MFN1: variants seen among roughly 807,000 people sequenced by gnomAD.
MFN1 encodes mitofusin 1.
A neutral mutation model predicts 92.4 loss-of-function variants in MFN1; 65 were observed. The observed-to-expected ratio is 0.70, with a 90% confidence interval of 0.58 to 0.86. The LOEUF (loss-of-function observed/expected upper bound fraction) is 0.86, where lower values mean the gene tolerates loss of function less well. Ranked by LOEUF, MFN1 falls within the 40% of genes least tolerant of loss-of-function variation. The pLI, the probability that MFN1 is intolerant of heterozygous loss-of-function variation, is 0.00. For missense variants in MFN1, 781 were observed against 868.0 expected (o/e 0.90, Z 1.26); for synonymous variants, 297 against 300.9 (o/e 0.99, Z 0.13).
intron 9 of MFN1, among the ~76,000 whole-genome samples, chr3:179,374,954 A>T (rs975899395): frequency 1.3e-5 from 2 of 151,982 alleles, no homozygotes; most frequent in Non-Finnish European, 2.9e-5. Flanking sequence ...TACCCTGTTT[A>T]TTTTTTTTAA....
At chr3:179,382,074 A>AT (rs10542714) in intron 14 of MFN1, among the ~76,000 whole-genome samples, 78,997 of 151,526 alleles carry the variant, frequency 0.52, 21,017 homozygotes, top group African/African-American at 0.62. Context: ...CATTTTTTTA[A>AT]TTTTTTTTTA....
At chr3:179,389,973 T>C in intron 16 of MFN1, 31 bp from the exon 17 acceptor site, 1 of 1,583,968 alleles carries the variant, frequency 6.3e-7, no homozygotes, top group East Asian at 2.3e-5. Flanking sequence ...TTTGAAGACA[T>C]TTATGACTGC....
Position 179,375,202 on chromosome 3 carries a change from G to T in MFN1, c.976-18G>T. 6.2e-7 allele frequency: 1 copy of T among 1,604,880 alleles called. No homozygotes were observed. Among genetic ancestry groups the T allele is most frequent in the Non-Finnish European group, 8.5e-7 (1 of 1,176,490 alleles). ...CGATGGAATTACAGTAATGTGTTACGGCTTGGGCCCCTCGCAGGAGTGTAT... is the reference window on the plus strand; with the variant it reads ...CGATGGAATTACAGTAATGTGTTACTGCTTGGGCCCCTCGCAGGAGTGTAT... On this transcript the variant is annotated intron_variant, in intron 9 of 17. Coordinates refer to ENST00000471841, the MANE Select transcript of MFN1 (RefSeq NM_033540.3).
rs758869575 is a variant in MFN1, at chr3:179,368,036, G to A, written c.908G>A (p.Gly303Asp). The change falls in exon 9 of 18, where the codon GGT (glycine) becomes GAT (aspartate). Residue 303 changes from glycine (G) to aspartate (D), a missense_variant and splice_region_variant. Transcript: ENST00000471841. ...TTAAATCTTTGCCTGTACGTTACAG[G>A]TGTGGCACTTGCTGAAGGATTTCAT... is the stretch of plus-strand genomic sequence containing the variant. The part of the protein sequence containing the change: ...KQKAQGMPES[G>D]VALAEGFHAR... The A allele has an allele frequency of 1.3e-5, 21 of 1,562,028 alleles. No homozygotes were observed. The highest frequency in any genetic ancestry group is 9.5e-5 in the South Asian group (8 of 83,860).
In MFN1 at chr3:179,385,115, G is replaced by A. The variant is rs373085035; in HGVS notation, c.1663-454G>A. On this transcript the variant is annotated intron_variant, in intron 14 of 17. Coordinates refer to ENST00000471841, the MANE Select transcript of MFN1 (RefSeq NM_033540.3). ...TTTTTATTAGAGACAGGGTTTCACT[G>A]TGTTAGCCAGGATGGTCTCGATCTC... Among the ~76,000 whole-genome samples, 4 of 150,660 alleles carry A rather than the reference G, an allele frequency of 2.7e-5. No individual in the cohort carries two copies. The East Asian group carries it at 7.8e-4, about 29-fold the overall frequency.
intron 17 of MFN1, among the ~76,000 whole-genome samples, chr3:179,391,327 T>C (rs1157312355): frequency 6.6e-6 from 1 of 152,164 alleles, no homozygotes. Flanking sequence ...ATTTTTGGTC[T>C]GCTAATCATT....
intron 9 of MFN1, among the ~76,000 whole-genome samples, chr3:179,370,815 C>T (rs1388063754): frequency 6.6e-6 from 1 of 152,140 alleles, no homozygotes; most frequent in African/African-American, 2.4e-5. Context: ...TTAGGCGTAT[C>T]CCAAGGTTTT....
In MFN1 at chr3:179,389,544, C is replaced by G. The variant is rs148581364; in HGVS notation, c.2013-460C>G. Among the ~76,000 whole-genome samples, 1,224 of 152,184 alleles carry G rather than the reference C, an allele frequency of 8.0e-3. 21 individuals carry two copies. The highest frequency in any genetic ancestry group is 0.028 in the African/African-American group (1,170 of 41,532). ...TTGGTGGAATGGGAAGAGGTATGCTCCCATTTAAAAATATAATGTTTGCCA... is the reference window on the plus strand; with the variant it reads ...TTGGTGGAATGGGAAGAGGTATGCTGCCATTTAAAAATATAATGTTTGCCA... On this transcript the variant is annotated intron_variant, in intron 16 of 17. Transcript: ENST00000471841.
chr3:179,383,851 T>C (rs1451211239), intron 14 of MFN1, among the ~76,000 whole-genome samples: 1 of 152,244 alleles, frequency 6.6e-6, no homozygotes, highest in Non-Finnish European at 1.5e-5. Context: ...TACAAGCATT[T>C]TAAAAGAAAA....
intron 14 of MFN1, among the ~76,000 whole-genome samples, chr3:179,381,494 G>C (rs1489027424): frequency 1.3e-5 from 2 of 152,214 alleles, no homozygotes; most frequent in Admixed American, 1.3e-4. Flanking sequence ...CCACTGTGCT[G>C]CTTAGTTTGA....
At chr3:179,353,568 G>A (rs190134526) in intron 3 of MFN1, among the ~76,000 whole-genome samples, 3 of 152,202 alleles carry the variant, frequency 2.0e-5, no homozygotes, top group East Asian at 3.9e-4. Context: ...GGATTATGGC[G>A]GGGAGAAAAA....
intron 3 of MFN1, among the ~76,000 whole-genome samples, chr3:179,352,585 A>G (rs1288475480): frequency 6.6e-6 from 1 of 152,236 alleles, no homozygotes; most frequent in Non-Finnish European, 1.5e-5. Context: ...ATGAACTGAC[A>G]ATAACTGGCG....
At chr3:179,357,181 C>T (rs1712377576) in intron 3 of MFN1, among the ~76,000 whole-genome samples, 1 of 152,136 alleles carries the variant, frequency 6.6e-6, no homozygotes, top group African/African-American at 2.4e-5. Flanking sequence ...ATTCTAATGT[C>T]AGAGCTCCTG....
rs1713957228 is a variant in MFN1, at chr3:179,392,761, A to G, written c.*702A>G. On this transcript the variant is annotated 3_prime_UTR_variant, in exon 18 of 18. Coordinates refer to ENST00000471841, the MANE Select transcript of MFN1 (RefSeq NM_033540.3). ...GCTTTCCTAGTGCAATTTTAGGAGTAAAGTTTGAAGAGATAAAAATAGCCA... is the reference window on the plus strand; with the variant it reads ...GCTTTCCTAGTGCAATTTTAGGAGTGAAGTTTGAAGAGATAAAAATAGCCA... The G allele has an allele frequency of 6.6e-6, 1 of 152,192 alleles. No homozygotes were observed. Among genetic ancestry groups the G allele is most frequent in the Non-Finnish European group, 1.5e-5 (1 of 68,016 alleles). The allele number at this position is 152,192 out of a possible 1,614,324, so 9.4% of individuals were successfully genotyped here. A position where few individuals can be genotyped will look rare whatever the true frequency, so the allele number is the denominator to read the frequency against.
At chr3:179,365,678 C>G (rs1176189939) in intron 7 of MFN1, among the ~76,000 whole-genome samples, 1 of 152,190 alleles carries the variant, frequency 6.6e-6, no homozygotes, top group Admixed American at 6.5e-5. Context: ...TCCCTTCTGT[C>G]CTACTTCCCA....
At chr3:179,361,328 T>C (rs1265786008) in intron 4 of MFN1, among the ~76,000 whole-genome samples, 1 of 152,192 alleles carries the variant, frequency 6.6e-6, no homozygotes, top group Admixed American at 6.5e-5. Flanking sequence ...TATTTTAGAT[T>C]CAGGGGTTGG....
chr3:179,353,662 C>A (rs1201229232), intron 3 of MFN1, among the ~76,000 whole-genome samples: 1 of 152,142 alleles, frequency 6.6e-6, no homozygotes, highest in Non-Finnish European at 1.5e-5. Context: ...GTGTAACAGT[C>A]CAGAGTGATA....
intron 4 of MFN1, among the ~76,000 whole-genome samples, chr3:179,360,216 G>A (rs560392414): frequency 6.8e-4 from 104 of 152,194 alleles, no homozygotes; most frequent in Non-Finnish European, 1.1e-3. Context: ...ACGCCCGGCT[G>A]AGACTAACAT....
In MFN1 at chr3:179,392,897, C is replaced by G. The variant is rs565428024; in HGVS notation, c.*838C>G. 6.6e-6 allele frequency: 1 copy of G among 152,242 alleles called. No individual in the cohort carries two copies. Among genetic ancestry groups the G allele is most frequent in the South Asian group, 2.1e-4 (1 of 4,824 alleles). 9.4% of individuals were successfully genotyped at this position (152,242 alleles called of 1,614,324 possible). On this transcript the variant is annotated 3_prime_UTR_variant, in exon 18 of 18. Coordinates refer to ENST00000471841, the MANE Select transcript of MFN1 (RefSeq NM_033540.3). ...TTGCTGGATTATACCCCATTGGAGG[C>G]TTTTAATTTTATTTGTATGAATTTT...
Sources: allele counts gnomAD v4.1 joint callset (sites outside exome capture counted in the v4.1 genomes callset), GRCh38; gene constraint gnomAD v4.1.1; transcripts MANE v1.5; gene names NCBI Gene and HGNC (gene_info 2026-07-23, HGNC 2026-07-21).